NELL1: variants seen among roughly 807,000 people sequenced by gnomAD.
NELL1 encodes neural EGFL like 1.
NELL1 carries 76 observed loss-of-function variants against 107.4 expected under a neutral mutation model. That is an observed-to-expected ratio of 0.71 (90% CI 0.59 to 0.86). NELL1 has a LOEUF of 0.86. Among genes scored for constraint, NELL1 ranks in the 40% least tolerant of loss-of-function variants. The probability of loss-of-function intolerance (pLI) is 0.00; values close to 1 mark genes in which losing one functional copy is unlikely to be tolerated. For missense variants in NELL1, 1,024 were observed against 1,005.5 expected, an observed-to-expected ratio of 1.02 and a Z score of -0.25; for synonymous variants, 353 against 341.2, an observed-to-expected ratio of 1.03 and a Z score of -0.38.
intron 4 of NELL1, among the ~76,000 whole-genome samples, chr11:20,850,713 T>C (rs1301847610): frequency 6.6e-6 from 1 of 152,174 alleles, no homozygotes; most frequent in African/African-American, 2.4e-5. Flanking sequence ...CTGCCACATG[T>C]CTTATATTGC....
intron 16 of NELL1, among the ~76,000 whole-genome samples, chr11:21,551,929 CAT>C (rs1167580185): frequency 2.7e-5 from 4 of 146,128 alleles, no homozygotes; most frequent in African/African-American, 1.0e-4. Flanking sequence ...AAATGTGGCA[CAT>C]ATACACCATG....
intron 14 of NELL1, among the ~76,000 whole-genome samples, chr11:21,330,129 C>G (rs1850238204): frequency 6.6e-6 from 1 of 151,848 alleles, no homozygotes; most frequent in Non-Finnish European, 1.5e-5. Flanking sequence ...TCCTAACTAC[C>G]TTCTTTGTGT....
At chr11:20,722,102 C>T (rs1019434270) in intron 2 of NELL1, among the ~76,000 whole-genome samples, 1 of 143,352 alleles carries the variant, frequency 7.0e-6, no homozygotes, top group South Asian at 2.2e-4. Flanking sequence ...ACTCACTGCA[C>T]CTGCATCTCC....
intron 15 of NELL1, among the ~76,000 whole-genome samples, chr11:21,430,040 C>T (rs1456392082): frequency 6.6e-6 from 1 of 152,114 alleles, no homozygotes; most frequent in Admixed American, 6.5e-5. Context: ...TATATGTTCA[C>T]CTCTTTCATT....
At chr11:20,980,971 A>T (rs1851737831) in intron 12 of NELL1, among the ~76,000 whole-genome samples, 1 of 152,214 alleles carries the variant, frequency 6.6e-6, no homozygotes, top group African/African-American at 2.4e-5. Flanking sequence ...GCAATCTGAG[A>T]AAAGGACTGT....
rs191078462 is a variant in NELL1 at position 21,435,661 on chromosome 11, C to T, written c.1645+64713C>T. 2.0e-5 allele frequency among the ~76,000 whole-genome samples: 3 copies of T among 152,080 alleles called. No homozygotes were observed. In the East Asian group the frequency reaches 5.8e-4, roughly 29 times the overall value. On this transcript the variant is annotated intron_variant, in intron 15 of 19. Coordinates refer to ENST00000357134, the MANE Select transcript of NELL1 (RefSeq NM_006157.5). ...GCATAAGTTGAACCCTTCTTGTATT[C>T]TTGGGATAAATCCCATTTGATCATG...
chr11:20,791,433 C>A (rs532384569), intron 3 of NELL1, among the ~76,000 whole-genome samples: 1 of 152,164 alleles, frequency 6.6e-6, no homozygotes, highest in Non-Finnish European at 1.5e-5. Flanking sequence ...CATCCTGCAA[C>A]CTTGGTAAGC....
intron 3 of NELL1, among the ~76,000 whole-genome samples, chr11:20,799,136 G>A (rs752656392): frequency 1.3e-5 from 2 of 152,214 alleles, no homozygotes; most frequent in Non-Finnish European, 2.9e-5. Context: ...TCAGAAAGAT[G>A]AGTGTCCCAG....
chr11:20,948,686 A>G (rs1391931422), intron 11 of NELL1, among the ~76,000 whole-genome samples: 1 of 150,536 alleles, frequency 6.6e-6, no homozygotes, highest in Non-Finnish European at 1.5e-5. Flanking sequence ...AACCCAGCTC[A>G]AGTATCACTT....
intron 13 of NELL1, among the ~76,000 whole-genome samples, chr11:21,208,503 G>A (rs771772158): frequency 3.3e-5 from 5 of 151,544 alleles, no homozygotes; most frequent in Non-Finnish European, 7.4e-5. Flanking sequence ...TTACTACTTT[G>A]TGTTTTATTT....
intron 2 of NELL1, among the ~76,000 whole-genome samples, chr11:20,753,014 G>A (rs546165399): frequency 3.7e-4 from 57 of 152,232 alleles, no homozygotes; most frequent in Admixed American, 7.2e-4. Flanking sequence ...TTTCCTTCCG[G>A]AAGAATGGTC....
intron 2 of NELL1, 46 bp downstream of exon 2, chr11:20,678,106 G>A: frequency 6.2e-7 from 1 of 1,608,878 alleles, no homozygotes; most frequent in Admixed American, 1.7e-5. Flanking sequence ...TTGGGGAGGA[G>A]GGTCTGTCTG....
intron 4 of NELL1, among the ~76,000 whole-genome samples, chr11:20,871,543 TAGTC>T (rs937047984): frequency 3.3e-5 from 5 of 152,196 alleles, no homozygotes; most frequent in African/African-American, 1.2e-4. Flanking sequence ...TTAATGGTCA[TAGTC>T]AGGAGAACTC....
chr11:20,837,956 G>A (rs912289619), intron 3 of NELL1, among the ~76,000 whole-genome samples: 6 of 152,028 alleles, frequency 3.9e-5, no homozygotes, highest in Non-Finnish European at 7.4e-5. Context: ...CCTTAAGTGT[G>A]AGCTCCACAG....
chr11:21,194,194 G>A (rs1238197461), intron 13 of NELL1, among the ~76,000 whole-genome samples: 1 of 151,138 alleles, frequency 6.6e-6, no homozygotes, highest in Admixed American at 6.6e-5. Context: ...CCTTCTGGAG[G>A]CCTACCCTGT....
In NELL1 at chr11:21,449,322, T is replaced by C. The variant is rs569671162; in HGVS notation, c.1645+78374T>C. 2.3e-3 allele frequency among the ~76,000 whole-genome samples: 347 copies of C among 152,314 alleles called. 1 individual carries two copies. Among genetic ancestry groups the C allele is most frequent in the African/African-American group, 7.2e-3 (301 of 41,594 alleles). Reference sequence around the variant, plus strand: ...ACACTTTTCTAATGGCCAATAATGTTTGACATTCTTCCATATGCTTATTTG... The same window carrying C: ...ACACTTTTCTAATGGCCAATAATGTCTGACATTCTTCCATATGCTTATTTG... On this transcript the variant is annotated intron_variant, in intron 15 of 19. Transcript: ENST00000357134.
At chr11:21,066,768 A>G (rs868219300) in intron 12 of NELL1, among the ~76,000 whole-genome samples, 3 of 152,000 alleles carry the variant, frequency 2.0e-5, no homozygotes, top group South Asian at 2.1e-4. Flanking sequence ...TGGCTCAGCA[A>G]CATGGTGAAA....
intron 14 of NELL1, among the ~76,000 whole-genome samples, chr11:21,332,366 G>A (rs976304862): frequency 3.3e-5 from 5 of 151,808 alleles, no homozygotes; most frequent in African/African-American, 9.7e-5. Flanking sequence ...TCTCCTGATT[G>A]CAGCAAGAGT....
chr11:21,431,241 C>T (rs1852957756), intron 15 of NELL1, among the ~76,000 whole-genome samples: 1 of 152,116 alleles, frequency 6.6e-6, no homozygotes, highest in Non-Finnish European at 1.5e-5. Flanking sequence ...TATTTAATAA[C>T]TGTCCCTCTA....
Sources: gnomAD v4.1 joint callset for allele counts (sites outside exome capture counted in the v4.1 genomes callset) on GRCh38, gnomAD v4.1.1 for gene constraint, MANE v1.5 for transcripts, NCBI Gene and HGNC (gene_info 2026-07-23, HGNC 2026-07-21) for gene names.